Variants in SUZ12 observed in about 807,000 individuals in gnomAD.
The protein encoded by SUZ12 is polycomb protein SUZ12.
SUZ12 carries 17 observed loss-of-function variants against 87.3 expected under a neutral mutation model. The ratio of observed to expected loss-of-function variants is 0.19; its 90% CI spans 0.13 to 0.29. The LOEUF (loss-of-function observed/expected upper bound fraction) is 0.29. Among genes scored for constraint, SUZ12 ranks in the 10% least tolerant of loss-of-function variants. The probability of loss-of-function intolerance (pLI) is 1.00; values close to 1 mark genes in which losing one functional copy is unlikely to be tolerated. For missense variants in SUZ12, 526 were observed against 912.2 expected (o/e 0.58, Z 5.45); for synonymous variants, 253 against 312.4 (o/e 0.81, Z 2.01).
intron 4 of SUZ12, among the ~76,000 whole-genome samples, chr17:31,959,108 CTT>C (rs969675522): frequency 6.6e-6 from 1 of 151,918 alleles, no homozygotes; most frequent in Non-Finnish European, 1.5e-5. Context: ...TTTTCCCTTT[CTT>C]TTTTTTAATA....
intron 4 of SUZ12, among the ~76,000 whole-genome samples, chr17:31,958,834 A>G (rs541650775): frequency 6.6e-6 from 1 of 152,158 alleles, no homozygotes; most frequent in African/African-American, 2.4e-5. Context: ...TACAGAGTGA[A>G]ACTCTGTCTC....
rs1275029733 is a variant in SUZ12 at position 31,973,292 on chromosome 17, T to C, written c.591+61T>C. 9 of 1,277,462 alleles carry C rather than the reference T, an allele frequency of 7.0e-6. No individual in the cohort carries two copies. In the Admixed American group the frequency reaches 9.8e-5, roughly 14 times the overall value. The allele number at this position is 1,277,462 out of a possible 1,614,324, so 79.1% of individuals were successfully genotyped here. A position where few individuals can be genotyped will look rare whatever the true frequency, so the allele number is the denominator to read the frequency against. The stretch of plus-strand genomic sequence containing the variant: ...GAATAATTTGCTTAATTGGACATCT[T>C]TATGCATATATATTGTATTTTAAAG... On this transcript the variant is annotated intron_variant, in intron 6 of 15. Transcript: ENST00000322652.
chr17:31,978,300 C>T (rs138980011), intron 8 of SUZ12, among the ~76,000 whole-genome samples: 7,103 of 152,202 alleles, frequency 0.047, 530 homozygotes, highest in African/African-American at 0.16. Context: ...CCTCTGCCTC[C>T]TGGGTTCAAG....
At chr17:31,997,357 G>A (rs940153522) in intron 15 of SUZ12, among the ~76,000 whole-genome samples, 12 of 152,030 alleles carry the variant, frequency 7.9e-5, no homozygotes, top group Admixed American at 2.6e-4. Flanking sequence ...GGGTTGACTC[G>A]TTCACACTCA....
intron 4 of SUZ12, chr17:31,965,670 T>C (rs1327214835): frequency 6.6e-6 from 1 of 152,330 alleles, no homozygotes; most frequent in Non-Finnish European, 1.5e-5. Flanking sequence ...CAAATTTTTT[T>C]GCATGGATTT....
At chr17:31,978,392 A>G (rs1381737936) in intron 8 of SUZ12, among the ~76,000 whole-genome samples, 1 of 151,950 alleles carries the variant, frequency 6.6e-6, no homozygotes, top group African/African-American at 2.4e-5. Flanking sequence ...TATTTTTAGT[A>G]GAGATGAGGT....
chr17:31,969,811 T>G (rs2627078), intron 5 of SUZ12, among the ~76,000 whole-genome samples: 1 of 152,078 alleles, frequency 6.6e-6, no homozygotes, highest in East Asian at 1.9e-4. Context: ...AGCTGGGAGG[T>G]TTGCTTGAGC....
chr17:31,971,716 C>G (rs1345934149), intron 5 of SUZ12, among the ~76,000 whole-genome samples: 1 of 152,064 alleles, frequency 6.6e-6, no homozygotes, highest in Non-Finnish European at 1.5e-5. Flanking sequence ...AGGCGTGAGC[C>G]ACCACACCTG....
intron 13 of SUZ12, 44 bp from the exon 14 acceptor site, chr17:31,995,520 A>C: frequency 3.4e-6 from 5 of 1,479,040 alleles, no homozygotes; most frequent in Non-Finnish European, 4.7e-6. Context: ...GTTAGATGGT[A>C]TACATGTAGA....
At chr17:31,986,544 T>TTTTTGTTTTGTTTTGTTTTG (rs370809527) in intron 9 of SUZ12, among the ~76,000 whole-genome samples, 2 of 150,536 alleles carry the variant, frequency 1.3e-5, no homozygotes, top group African/African-American at 4.9e-5. Flanking sequence ...TCTAAGTAGT[T>TTTTTGTTTTGTTTTGTTTTG]TTTTGTTTTG....
intron 3 of SUZ12, among the ~76,000 whole-genome samples, chr17:31,946,259 C>A (rs1158550650): frequency 6.6e-6 from 1 of 152,032 alleles, no homozygotes; most frequent in Non-Finnish European, 1.5e-5. Flanking sequence ...TTTGGCCAGG[C>A]ATGGTGGCTC....
rs2142223449 is a variant in SUZ12 at position 31,999,407 on chromosome 17, T to C, written c.*404T>C. 4.3e-6 allele frequency: 1 copy of C among 232,326 alleles called. No individual in the cohort carries two copies. The highest frequency in any genetic ancestry group is 6.2e-5 in the East Asian group (1 of 16,206). 14.4% of individuals were successfully genotyped at this position (232,326 alleles called of 1,614,324 possible). On this transcript the variant is annotated 3_prime_UTR_variant, in exon 16 of 16. Transcript: ENST00000322652. ...GGGAGGGAAAATTGGAATGGTTCCCTTTTTTAGAAATTGAAGTGGTCTTCA... is the reference window on the plus strand; with the variant it reads ...GGGAGGGAAAATTGGAATGGTTCCCCTTTTTAGAAATTGAAGTGGTCTTCA...
rs972824097 is a variant in SUZ12, at chr17:32,000,875, T to C, written c.*1872T>C. ...TATAAAAAAAGTGCTTTTCTATATGTACCCTTGATAACAGATTTTGAAGAA... is the reference window on the plus strand; with the variant it reads ...TATAAAAAAAGTGCTTTTCTATATGCACCCTTGATAACAGATTTTGAAGAA... On this transcript the variant is annotated 3_prime_UTR_variant, in exon 16 of 16. Coordinates refer to ENST00000322652, the MANE Select transcript of SUZ12 (RefSeq NM_015355.4). 1 of 221,836 alleles carries C rather than the reference T, an allele frequency of 4.5e-6. No homozygotes were observed. Among genetic ancestry groups the C allele is most frequent in the African/African-American group, 2.2e-5 (1 of 44,786 alleles). 13.7% of individuals were successfully genotyped at this position (221,836 alleles called of 1,614,324 possible).
chr17:31,976,198 C>T (rs1466523449), intron 7 of SUZ12, among the ~76,000 whole-genome samples: 4 of 152,104 alleles, frequency 2.6e-5, no homozygotes, highest in Admixed American at 1.3e-4. Flanking sequence ...CAGAGAAACA[C>T]GTTGGAAAAA....
chr17:31,985,555 C>G (rs1459161555), intron 9 of SUZ12, among the ~76,000 whole-genome samples: 2 of 151,092 alleles, frequency 1.3e-5, no homozygotes, highest in African/African-American at 4.9e-5. Context: ...TCTTTATGAT[C>G]TTTTTCATTT....
At chr17:31,961,056 A>G (rs1907682452) in intron 4 of SUZ12, among the ~76,000 whole-genome samples, 1 of 152,054 alleles carries the variant, frequency 6.6e-6, no homozygotes. Context: ...ACTAAAAAAT[A>G]CAAAAAATAA....
intron 5 of SUZ12, 59 bp downstream of exon 5, chr17:31,966,255 A>T: frequency 7.3e-7 from 1 of 1,374,000 alleles, no homozygotes. Context: ...TTGTGAATGT[A>T]AAAAAAGTGG....
At chr17:31,978,198 A>G (rs1908872757) in intron 8 of SUZ12, among the ~76,000 whole-genome samples, 1 of 151,836 alleles carries the variant, frequency 6.6e-6, no homozygotes, top group Admixed American at 6.6e-5. Context: ...CCTATTGTTT[A>G]TTTTTTATTT....
chr17:31,947,698 A>C lies in SUZ12; in HGVS notation c.455+13A>C, dbSNP rs377439282. ...AAGAATCTCATAGGTAAGATAATCT[A>C]TCAGTTTACATTAAGTGATATACTT... On this transcript the variant is annotated intron_variant, in intron 4 of 15. Coordinates refer to ENST00000322652, the MANE Select transcript of SUZ12 (RefSeq NM_015355.4). 599 of 1,604,100 alleles carry C rather than the reference A, an allele frequency of 3.7e-4. 8 individuals carry two copies. In the South Asian group the frequency reaches 6.3e-3, roughly 17 times the overall value.
Sources: allele counts gnomAD v4.1 joint callset (sites outside exome capture counted in the v4.1 genomes callset), GRCh38; gene constraint gnomAD v4.1.1; transcripts MANE v1.5; gene names NCBI Gene and HGNC (gene_info 2026-07-23, HGNC 2026-07-21).